PCDHA2: variants seen among roughly 807,000 people sequenced by gnomAD.
PCDHA2 encodes protocadherin alpha 2, also known as protocadherin alpha-2.
Under a neutral mutation model 66.0 loss-of-function variants are expected in PCDHA2, and 58 were observed. The ratio of observed to expected loss-of-function variants is 0.88; its 90% CI spans 0.71 to 1.09. The LOEUF is 1.09. Ranked by LOEUF, PCDHA2 falls within the 50% of genes least tolerant of loss-of-function variation. PCDHA2 has a pLI of 0.00. For missense variants in PCDHA2, 1,267 were observed against 1,242.3 expected (o/e 1.02, Z -0.30); for synonymous variants, 634 against 554.0 (o/e 1.14, Z -2.03).
chr5:140,987,453 A>C (rs2097255093), intron 3 of PCDHA2, among the ~76,000 whole-genome samples: 1 of 152,106 alleles, frequency 6.6e-6, no homozygotes, highest in South Asian at 2.1e-4. Context: ...CCGAGAGATA[A>C]TTGTTAAGAG....
rs2150350980 is a variant in PCDHA2 at position 140,843,047 on chromosome 5, G to A, written c.2388+45695G>A. On this transcript the variant is annotated intron_variant, in intron 1 of 3. Coordinates refer to ENST00000526136, the MANE Select transcript of PCDHA2 (RefSeq NM_018905.3). ...GCCTCGGGTGGGTGGCACTGGTGGC[G>A]CAGCGAGCAAGCTGGTGCCGCGGTC... 9.4e-6 allele frequency: 15 copies of A among 1,595,052 alleles called. 2 individuals carry two copies. The highest frequency in any genetic ancestry group is 1.2e-5 in the Non-Finnish European group (14 of 1,165,268).
chr5:140,877,063 C>T (rs782051698), intron 1 of PCDHA2: 21 of 1,612,898 alleles, frequency 1.3e-5, no homozygotes, highest in East Asian at 2.2e-5. Context: ...GCTGGAGCTG[C>T]TGCAGTTCCA....
In PCDHA2 at chr5:140,902,185, T is replaced by TTC. The variant is rs370111655; in HGVS notation, c.2389-76750_2389-76749dup. On this transcript the variant is annotated intron_variant, in intron 1 of 3. Transcript: ENST00000526136. ...TTCTAATTTGGATGTCCTTTATGTC[T>TTC]TCTCTCTCTCTCTCTTTCTTTTTTT... Among the ~76,000 whole-genome samples the TTC allele has an allele frequency of 1.5e-3, 225 of 150,894 alleles. 1 individual carries two copies. The highest frequency in any genetic ancestry group is 2.6e-3 in the Admixed American group (40 of 15,130).
intron 1 of PCDHA2, chr5:140,881,341 G>C (rs1422783424): frequency 1.5e-5 from 15 of 984,968 alleles, no homozygotes; most frequent in Non-Finnish European, 1.7e-5. Flanking sequence ...ACGCCGATTC[G>C]GGCTACAATG....
chr5:140,917,378 A>G (rs532934226), intron 1 of PCDHA2, among the ~76,000 whole-genome samples: 4 of 150,894 alleles, frequency 2.7e-5, no homozygotes, highest in South Asian at 2.1e-4. Context: ...CTCCACCTCA[A>G]TAGTCTGATG....
Position 140,926,934 on chromosome 5 carries a change from C to T in PCDHA2, c.2389-52015C>T, listed in dbSNP as rs138351230. ...TGGCAGTTTTATGTTTGTGGGTTTC[C>T]TGCGGCGCTGCAGCGGGACAGCTCG... On this transcript the variant is annotated intron_variant, in intron 1 of 3. Coordinates refer to ENST00000526136, the MANE Select transcript of PCDHA2 (RefSeq NM_018905.3). The T allele has an allele frequency of 5.7e-6, 9 of 1,578,848 alleles. No homozygotes were observed. The African/African-American group carries it at 1.2e-4, about 21-fold the overall frequency.
At chr5:140,807,293 T>A (rs782145999) in intron 1 of PCDHA2, 1 of 1,614,084 alleles carries the variant, frequency 6.2e-7, no homozygotes, top group Non-Finnish European at 8.5e-7. Context: ...CTACTCGGTC[T>A]CCGAGGAGGC....
rs2150235707 is a variant in PCDHA2 at position 140,835,435 on chromosome 5, C to T, written c.2388+38083C>T. 9.9e-6 allele frequency: 16 copies of T among 1,613,906 alleles called. 1 individual carries two copies. The highest frequency in any genetic ancestry group is 3.3e-5 in the Admixed American group (2 of 60,014). On this transcript the variant is annotated intron_variant, in intron 1 of 3. Coordinates refer to ENST00000526136, the MANE Select transcript of PCDHA2 (RefSeq NM_018905.3). ...GTAAATGACAATGCTCCACAGTTGA[C>T]TCTCACTTCCCTGTCTCTCCCTATT...
intron 1 of PCDHA2, chr5:140,927,723 A>G: frequency 6.2e-7 from 1 of 1,614,220 alleles, no homozygotes; most frequent in Non-Finnish European, 8.5e-7. Context: ...ACAGCACGCA[A>G]GCAGAGCTGC....
intron 1 of PCDHA2, chr5:140,968,997 G>A (rs1459602291): frequency 6.2e-7 from 1 of 1,614,092 alleles, no homozygotes; most frequent in African/African-American, 1.3e-5. Flanking sequence ...TGCTGTGGAG[G>A]CTTCTGTGGA....
intron 1 of PCDHA2, among the ~76,000 whole-genome samples, chr5:140,964,997 T>C (rs144251011): frequency 3.9e-5 from 6 of 152,316 alleles, no homozygotes; most frequent in African/African-American, 1.4e-4. Context: ...CTTTGAATTC[T>C]GGGTGTCAGG....
chr5:140,953,410 G>A (rs1328809858), intron 1 of PCDHA2, among the ~76,000 whole-genome samples: 5 of 152,042 alleles, frequency 3.3e-5, no homozygotes, highest in Non-Finnish European at 5.9e-5. Flanking sequence ...GTTGCTCCTG[G>A]CTCCTCCCCT....
intron 1 of PCDHA2, chr5:140,928,400 C>G: frequency 6.2e-7 from 1 of 1,614,038 alleles, no homozygotes; most frequent in Non-Finnish European, 8.5e-7. Flanking sequence ...GTGGAATCAT[C>G]CAGTGGGGCC....
At chr5:140,942,239 T>A (rs1554214876) in intron 1 of PCDHA2, among the ~76,000 whole-genome samples, 1 of 152,156 alleles carries the variant, frequency 6.6e-6, no homozygotes, top group Admixed American at 6.6e-5. Flanking sequence ...AAATAAGATA[T>A]CCATATCATT....
At chr5:140,838,747 G>A (rs1055072551) in intron 1 of PCDHA2, among the ~76,000 whole-genome samples, 2 of 151,894 alleles carry the variant, frequency 1.3e-5, no homozygotes, top group South Asian at 2.1e-4. Flanking sequence ...ACCAGCTTGT[G>A]CATCTTTTGT....
At chr5:140,856,911 T>A in intron 1 of PCDHA2, 2 of 1,595,928 alleles carry the variant, frequency 1.3e-6, no homozygotes, top group East Asian at 2.2e-5. Flanking sequence ...CCACCCACGA[T>A]AAGAAGGAAA....
intron 1 of PCDHA2, among the ~76,000 whole-genome samples, chr5:140,874,643 G>T (rs1423931291): frequency 1.3e-5 from 2 of 152,178 alleles, no homozygotes; most frequent in Non-Finnish European, 2.9e-5. Flanking sequence ...CTTTACTTTT[G>T]CTAGAGTAAA....
rs1554138958 is a variant in PCDHA2, at chr5:140,842,308, C to T, written c.2388+44956C>T. On this transcript the variant is annotated intron_variant, in intron 1 of 3. Coordinates refer to ENST00000526136, the MANE Select transcript of PCDHA2 (RefSeq NM_018905.3). ...ACGCCACGGACAAAGGCCATCCTCC[C>T]ATGGCGGGTCATTGCACCGTTTTAG... The T allele has an allele frequency of 3.1e-6, 5 of 1,607,710 alleles. No individual in the cohort carries two copies. The African/African-American group carries it at 5.4e-5, about 17-fold the overall frequency.
At chr5:140,858,105 C>A (rs782612207) in intron 1 of PCDHA2, 2 of 1,597,672 alleles carry the variant, frequency 1.3e-6, no homozygotes, top group East Asian at 2.2e-5. Context: ...GTGGGCGTGG[C>A]GCCCGAGGTG....
Sources: gnomAD v4.1 joint callset for allele counts (sites outside exome capture counted in the v4.1 genomes callset) on GRCh38, gnomAD v4.1.1 for gene constraint, MANE v1.5 for transcripts, NCBI Gene and HGNC (gene_info 2026-07-23, HGNC 2026-07-21) for gene names.